PAK1: variants seen among roughly 807,000 people sequenced by gnomAD.
PAK1 encodes p21 (RAC1) activated kinase 1.
A neutral mutation model predicts 67.4 loss-of-function variants in PAK1; 29 were observed. The observed-to-expected ratio is 0.43, with a 90% CI of 0.32 to 0.59. The LOEUF (loss-of-function observed/expected upper bound fraction) is 0.59, where lower values mean the gene tolerates loss of function less well. PAK1 is among the 20% of genes least tolerant of loss of function. PAK1 has a pLI of 0.07. For missense variants in PAK1, 337 were observed against 670.7 expected (o/e 0.50, Z 5.50); for synonymous variants, 223 against 237.4 (o/e 0.94, Z 0.56).
At chr11:77,496,930 AAAAAAT>A in the PAK1 span, among the ~76,000 whole-genome samples, 1 of 152,158 alleles carries the variant, frequency 6.6e-6, no homozygotes, top group African/African-American at 2.4e-5. Flanking sequence ...ATGTCTCCAA[AAAAAAT>A]AAAAATAAAA....
the PAK1 span, among the ~76,000 whole-genome samples, chr11:77,500,244 G>A: frequency 3.3e-5 from 5 of 152,112 alleles, no homozygotes; most frequent in East Asian, 3.9e-4. Context: ...CGAGGTGGGC[G>A]GATCACAAGG....
chr11:77,510,810 C>CA, the PAK1 span, among the ~76,000 whole-genome samples: 2 of 152,170 alleles, frequency 1.3e-5, no homozygotes, highest in Non-Finnish European at 2.9e-5. Flanking sequence ...TTTGTGGATG[C>CA]ATCATCTTTA....
chr11:77,513,467 C>T, the PAK1 span, among the ~76,000 whole-genome samples: 1 of 151,792 alleles, frequency 6.6e-6, no homozygotes, highest in East Asian at 1.9e-4. Flanking sequence ...GCCAGTAGTT[C>T]GAGACAAGCC....
intron 5 of PAK1, among the ~76,000 whole-genome samples, chr11:77,365,725 C>CG (rs1303507920): frequency 1.3e-5 from 2 of 151,890 alleles, no homozygotes; most frequent in African/African-American, 2.4e-5. Flanking sequence ...CCCAGCTACT[C>CG]GGGCGGCTGA....
rs887632906 is a variant in PAK1 at position 77,448,788 on chromosome 11, T to C, written c.-22+24764A>G. Among the ~76,000 whole-genome samples, 6 of 152,298 alleles carry C rather than the reference T, an allele frequency of 3.9e-5. No individual in the cohort carries two copies. In the South Asian group the frequency reaches 1.2e-3, roughly 32 times the overall value. On this transcript the variant is annotated intron_variant, in intron 1 of 14. Transcript: ENST00000356341. ...AAGGGACTACCCATGGGAAGTTTTT[T>C]GTGGAAAGCAAAGTGGTATAATAGG...
the PAK1 span, among the ~76,000 whole-genome samples, chr11:77,489,843 G>A: frequency 5.9e-5 from 9 of 152,240 alleles, 1 homozygote; most frequent in Admixed American, 1.3e-4. Context: ...CCAAAGTGCC[G>A]AGATTGCAGC....
At chr11:77,422,512 G>A (rs903423770) in intron 1 of PAK1, among the ~76,000 whole-genome samples, 12 of 149,838 alleles carry the variant, frequency 8.0e-5, no homozygotes, top group Admixed American at 5.3e-4. Flanking sequence ...CCGAGATCGC[G>A]CCATTGGACT....
the PAK1 span, among the ~76,000 whole-genome samples, chr11:77,508,464 T>A: frequency 2.6e-5 from 4 of 152,014 alleles, no homozygotes; most frequent in Non-Finnish European, 4.4e-5. Flanking sequence ...GTTTGTCAAT[T>A]TTCGTAACTC....
intron 8 of PAK1, among the ~76,000 whole-genome samples, chr11:77,350,146 A>G (rs1156606578): frequency 2.0e-5 from 3 of 152,234 alleles, no homozygotes; most frequent in South Asian, 2.1e-4. Context: ...TTTAAAATAA[A>G]ATAATGGTTT....
intron 11 of PAK1, among the ~76,000 whole-genome samples, chr11:77,339,826 A>ATT (rs550020225): frequency 3.5e-5 from 5 of 144,054 alleles, no homozygotes; most frequent in Admixed American, 7.0e-5. Context: ...TGGTTTTGGT[A>ATT]TTTTTTTTTT....
rs140684419 is a variant in PAK1, at chr11:77,369,426, T to G, written c.477+4902A>C. 4.0e-5 allele frequency among the ~76,000 whole-genome samples: 6 copies of G among 150,314 alleles called. No individual in the cohort carries two copies. The East Asian group carries it at 9.7e-4, about 24-fold the overall frequency. On this transcript the variant is annotated intron_variant, in intron 5 of 14. Coordinates refer to ENST00000356341, the MANE Select transcript of PAK1 (RefSeq NM_002576.5). ...CCTATTCACTTATATGCATTTGTTG[T>G]TTAAACCTTATACATTTCTTTTTTT... is the stretch of plus-strand genomic sequence containing the variant.
intron 1 of PAK1, among the ~76,000 whole-genome samples, chr11:77,466,552 G>A (rs1180730269): frequency 2.7e-5 from 4 of 150,928 alleles, no homozygotes; most frequent in Admixed American, 6.6e-5. Flanking sequence ...GCGGTGAGCC[G>A]ACATCGCATC....
At chr11:77,380,778 A>G (rs1021824396) in intron 2 of PAK1, among the ~76,000 whole-genome samples, 3 of 152,228 alleles carry the variant, frequency 2.0e-5, no homozygotes, top group Non-Finnish European at 2.9e-5. Context: ...AGGCTAGCAC[A>G]CACCTGGACA....
At chr11:77,414,627 A>T (rs758574700) in intron 1 of PAK1, among the ~76,000 whole-genome samples, 20 of 152,256 alleles carry the variant, frequency 1.3e-4, no homozygotes, top group Non-Finnish European at 2.9e-4. Context: ...TAAAAGAGAA[A>T]AGGAAATTCA....
chr11:77,324,550 A>C (rs1222989529), intron 14 of PAK1, among the ~76,000 whole-genome samples: 1 of 152,156 alleles, frequency 6.6e-6, no homozygotes, highest in East Asian at 1.9e-4. Flanking sequence ...GTAGTAAAAA[A>C]GCTTTGTGTC....
At chr11:77,446,617 C>T (rs1379984239) in intron 1 of PAK1, among the ~76,000 whole-genome samples, 3 of 151,546 alleles carry the variant, frequency 2.0e-5, no homozygotes, top group Non-Finnish European at 2.9e-5. Flanking sequence ...AAGGTCTATC[C>T]TCTCATGTAC....
the PAK1 span, among the ~76,000 whole-genome samples, chr11:77,527,963 C>A: frequency 6.6e-6 from 1 of 152,012 alleles, no homozygotes; most frequent in African/African-American, 2.4e-5. Flanking sequence ...GATCCTCCCA[C>A]CTCAGCCTCC....
chr11:77,328,258 T>C (rs1334065361), intron 14 of PAK1, among the ~76,000 whole-genome samples: 1 of 152,142 alleles, frequency 6.6e-6, no homozygotes, highest in African/African-American at 2.4e-5. Context: ...TACCCAGGAA[T>C]TGAACTCAGC....
At chr11:77,360,583 ATG>A (rs1946646567) in intron 5 of PAK1, among the ~76,000 whole-genome samples, 1 of 152,196 alleles carries the variant, frequency 6.6e-6, no homozygotes, top group Non-Finnish European at 1.5e-5. Context: ...AGCTCCCCTG[ATG>A]TATACTGTAA....
Sources: allele counts gnomAD v4.1 joint callset (sites outside exome capture counted in the v4.1 genomes callset), GRCh38; gene constraint gnomAD v4.1.1; transcripts MANE v1.5; gene names NCBI Gene and HGNC (gene_info 2026-07-23, HGNC 2026-07-21).